The following ARID1B variants were observed in gnomAD, a reference collection of about 807,000 sequenced individuals.
ARID1B encodes the protein AT-rich interactive domain-containing protein 1B.
A neutral mutation model predicts 212.3 loss-of-function variants in ARID1B; 30 were observed. That is an observed-to-expected ratio of 0.14 (90% CI 0.11 to 0.19). ARID1B has a LOEUF of 0.19. Ranked by LOEUF, ARID1B falls within the 10% of genes least tolerant of loss-of-function variation. The pLI, the probability that ARID1B is intolerant of heterozygous loss-of-function variation, is 1.00. For synonymous variants in ARID1B, 1,402 were observed against 1,301.7 expected (o/e 1.08, Z -1.66); for missense variants, 2,891 against 3,204.0 (o/e 0.90, Z 2.36).
At chr6:156,849,179 C>G (rs1784419244) in intron 2 of ARID1B, among the ~76,000 whole-genome samples, 1 of 152,130 alleles carries the variant, frequency 6.6e-6, no homozygotes, top group African/African-American at 2.4e-5. Flanking sequence ...ATTTTTTATT[C>G]TAAATTGTTG....
chr6:156,901,064 T>C (rs1319273530), intron 2 of ARID1B, among the ~76,000 whole-genome samples: 1 of 152,192 alleles, frequency 6.6e-6, no homozygotes, highest in Non-Finnish European at 1.5e-5. Flanking sequence ...TGCTTCTCTT[T>C]CTTAGTAGAG....
At chr6:157,039,432 G>A (rs191255271) in intron 4 of ARID1B, among the ~76,000 whole-genome samples, 7,177 of 146,698 alleles carry the variant, frequency 0.049, 303 homozygotes, top group African/African-American at 0.12. Context: ...CCGGGTTCAC[G>A]CCATTCTCCT....
At chr6:157,014,857 G>C (rs919274252) in intron 4 of ARID1B, among the ~76,000 whole-genome samples, 4 of 149,636 alleles carry the variant, frequency 2.7e-5, no homozygotes, top group Non-Finnish European at 4.4e-5. Flanking sequence ...ACTAAATACT[G>C]TACTAGTCTC....
At chr6:156,966,695 AT>A (rs1234390847) in intron 4 of ARID1B, among the ~76,000 whole-genome samples, 3 of 150,180 alleles carry the variant, frequency 2.0e-5, no homozygotes, top group Admixed American at 6.7e-5. Context: ...GCGCCTGGCC[AT>A]AAATAACTTT....
intron 4 of ARID1B, among the ~76,000 whole-genome samples, chr6:156,997,283 G>A (rs1272315931): frequency 1.3e-5 from 2 of 152,118 alleles, no homozygotes; most frequent in African/African-American, 4.8e-5. Flanking sequence ...AGAAGTTTGC[G>A]ATTATATTAC....
At chr6:156,843,219 G>T (rs978855943) in intron 2 of ARID1B, among the ~76,000 whole-genome samples, 4 of 152,008 alleles carry the variant, frequency 2.6e-5, no homozygotes, top group Non-Finnish European at 5.9e-5. Flanking sequence ...TGTCTTCATG[G>T]TATTCATTTT....
chr6:157,196,184 C>T lies in ARID1B; in HGVS notation c.4251C>T (p.Pro1417=). The T allele has an allele frequency of 6.2e-7, 1 of 1,612,680 alleles. No individual in the cohort carries two copies. Among genetic ancestry groups the T allele is most frequent in the Non-Finnish European group, 8.5e-7 (1 of 1,179,714 alleles). The part of the protein sequence containing the change: ...GMRKVPGSSE[P]FMTQGQMPNS... ...TTGCAGTGCCTGGAAGCAGCGAGCC[C>T]TTTATGACGCAAGGACAGATGCCCA... Residue 1417 remains proline (P), a synonymous_variant, in exon 16 of 20, where the codon CCC becomes CCT. Transcript: ENST00000636930.
At chr6:157,089,249 C>T (rs983316798) in intron 5 of ARID1B, among the ~76,000 whole-genome samples, 1 of 151,094 alleles carries the variant, frequency 6.6e-6, no homozygotes, top group Non-Finnish European at 1.5e-5. Flanking sequence ...TAATTGACAG[C>T]TAATGAGAAG....
rs745924035 is a variant in ARID1B, at chr6:157,206,792, G to C, written c.6020G>C (p.Arg2007Pro). The change falls in exon 20 of 20, where the codon CGG becomes CCG. Residue 2007 changes from arginine (R) to proline (P), a missense_variant. Coordinates refer to ENST00000636930, the MANE Select transcript of ARID1B (RefSeq NM_001374828.1). The surrounding 1 kb of genome is among the most constrained non-coding windows in gnomAD (Gnocchi z 6.8). ...ACCATCGATGACGTCCTCTCTGCTCGGCCAGGGGCATTGCCTGAAGACGCA... is the reference window on the plus strand; with the variant it reads ...ACCATCGATGACGTCCTCTCTGCTCCGCCAGGGGCATTGCCTGAAGACGCA... The part of the protein sequence containing the change: ...IATIDDVLSA[R>P]PGALPEDANP... 6.2e-7 allele frequency: 1 copy of C among 1,613,886 alleles called. No individual in the cohort carries two copies. Among genetic ancestry groups the C allele is most frequent in the Non-Finnish European group, 8.5e-7 (1 of 1,180,020 alleles).
intron 1 of ARID1B, among the ~76,000 whole-genome samples, chr6:156,807,219 G>C (rs1781233556): frequency 6.6e-6 from 1 of 150,808 alleles, no homozygotes; most frequent in Non-Finnish European, 1.5e-5. Flanking sequence ...AGGAAGCTGG[G>C]AGAAAGTTCA....
At position 157,190,417 on chromosome 6, in the gene ARID1B, GC is replaced by G. The variant is rs1793277509; in HGVS notation, c.4231+210del. The stretch of plus-strand genomic sequence containing the variant: ...CATCCTGTCCCCGGCTGGCCTCAGT[GC>G]CCTCAGCCTGTTCCCTGGCACATGC... On this transcript the variant is annotated intron_variant, in intron 15 of 19. Transcript: ENST00000636930. The surrounding 1 kb of genome is among the most constrained non-coding windows in gnomAD (Gnocchi z 4.6). 6.6e-6 allele frequency among the ~76,000 whole-genome samples: 1 copy of G among 152,216 alleles called. No individual in the cohort carries two copies. The highest frequency in any genetic ancestry group is 1.5e-5 in the Non-Finnish European group (1 of 68,046).
rs1037345761 is a variant in ARID1B at position 156,836,728 on chromosome 6, G to A, written c.1986+7307G>A. Among the ~76,000 whole-genome samples, 4 of 152,170 alleles carry A rather than the reference G, an allele frequency of 2.6e-5. No individual in the cohort carries two copies. The East Asian group carries it at 5.8e-4, about 22-fold the overall frequency. Reference sequence around the variant, plus strand: ...CACCCAGGATGGAGTGCAGTGGCACGATCACGGCTCACTGCAGCCTTGACC... The same window carrying A: ...CACCCAGGATGGAGTGCAGTGGCACAATCACGGCTCACTGCAGCCTTGACC... On this transcript the variant is annotated intron_variant, in intron 2 of 19. Transcript: ENST00000636930.
chr6:157,208,909 G>A lies in ARID1B; in HGVS notation c.*1018G>A, dbSNP rs1423709498. 6 of 228,384 alleles carry A rather than the reference G, an allele frequency of 2.6e-5. No individual in the cohort carries two copies. Among genetic ancestry groups the A allele is most frequent in the Non-Finnish European group, 4.3e-5 (5 of 115,608 alleles). The allele number at this position is 228,384 out of a possible 1,614,324, so 14.1% of individuals were successfully genotyped here. A position where few individuals can be genotyped will look rare whatever the true frequency, so the allele number is the denominator to read the frequency against. The stretch of plus-strand genomic sequence containing the variant: ...AAAAGAGGGTAATGTACAAGTTTCT[G>A]TATGTATAAAGTCATGCTCGATTTC... On this transcript the variant is annotated 3_prime_UTR_variant, in exon 20 of 20. Transcript: ENST00000636930.
chr6:156,984,336 T>G (rs1777794757), intron 4 of ARID1B, among the ~76,000 whole-genome samples: 1 of 152,204 alleles, frequency 6.6e-6, no homozygotes, highest in South Asian at 2.1e-4. Flanking sequence ...CCTAGATGTC[T>G]CATCAGAATG....
chr6:157,191,217 G>T (rs1221728794), intron 15 of ARID1B, among the ~76,000 whole-genome samples: 1 of 151,998 alleles, frequency 6.6e-6, no homozygotes, highest in African/African-American at 2.4e-5. Flanking sequence ...TGGCCAACTG[G>T]AGCCGGACAC....
At chr6:156,836,733 C>A (rs1255434197) in intron 2 of ARID1B, among the ~76,000 whole-genome samples, 1 of 152,148 alleles carries the variant, frequency 6.6e-6, no homozygotes, top group African/African-American at 2.4e-5. Flanking sequence ...GGCACGATCA[C>A]GGCTCACTGC....
At chr6:157,105,275 G>C (rs1317120389) in intron 5 of ARID1B, among the ~76,000 whole-genome samples, 2 of 152,060 alleles carry the variant, frequency 1.3e-5, no homozygotes, top group Non-Finnish European at 2.9e-5. Context: ...CTTCCTAACT[G>C]TGACTCAGAA....
At chr6:157,083,453 G>A (rs568580297) in intron 4 of ARID1B, among the ~76,000 whole-genome samples, 2 of 152,278 alleles carry the variant, frequency 1.3e-5, no homozygotes, top group South Asian at 4.1e-4. Context: ...AGCCATGGGG[G>A]GCACACCAGT....
At chr6:157,008,121 C>T (rs1779356427) in intron 4 of ARID1B, among the ~76,000 whole-genome samples, 1 of 151,804 alleles carries the variant, frequency 6.6e-6, no homozygotes, top group Non-Finnish European at 1.5e-5. Context: ...TTCCTCCTTC[C>T]TTCCCTTTCC....
Sources: allele counts gnomAD v4.1 joint callset (sites outside exome capture counted in the v4.1 genomes callset), GRCh38; gene constraint gnomAD v4.1.1; non-coding constraint Gnocchi (gnomAD v3.1); transcripts MANE v1.5; gene names NCBI Gene and HGNC (gene_info 2026-07-23, HGNC 2026-07-21).